Variants in PCSK6 observed in about 807,000 individuals in gnomAD.
PCSK6 encodes the protein paired basic amino acid cleaving enzyme 4.
In PCSK6, 85 loss-of-function variants were observed where a neutral mutation model predicts 123.3. The observed-to-expected ratio is 0.69, with a 90% CI of 0.58 to 0.83. The LOEUF is 0.83. PCSK6 is among the 40% of genes least tolerant of loss of function. The pLI is 0.00. For synonymous variants in PCSK6, 508 were observed against 516.0 expected (o/e 0.98, Z 0.21); for missense variants, 1,191 against 1,282.3 (o/e 0.93, Z 1.09).
At chr15:101,393,618 A>G (rs2277587) in intron 7 of PCSK6, among the ~76,000 whole-genome samples, 194 bp from the exon 8 acceptor site, 130,160 of 152,160 alleles carry the variant, frequency 0.86, 55,875 homozygotes, top group African/African-American at 0.9. Flanking sequence ...CTTTGCCTGT[A>G]GCAGCAGCCT....
At chr15:101,405,983 T>G (rs2042765610) in intron 6 of PCSK6, among the ~76,000 whole-genome samples, 1 of 152,212 alleles carries the variant, frequency 6.6e-6, no homozygotes, top group Non-Finnish European at 1.5e-5. Context: ...CCTCAAGTGA[T>G]CTGCCCACCT....
intron 12 of PCSK6, among the ~76,000 whole-genome samples, chr15:101,369,834 A>C (rs2041522650): frequency 6.6e-6 from 1 of 152,178 alleles, no homozygotes; most frequent in Non-Finnish European, 1.5e-5. Flanking sequence ...CACCTTCCCC[A>C]CATACCACCC....
chr15:101,321,251 T>G (rs943753261), intron 18 of PCSK6, among the ~76,000 whole-genome samples: 3 of 152,220 alleles, frequency 2.0e-5, no homozygotes, highest in Non-Finnish European at 4.4e-5. Flanking sequence ...AGTTCATCCT[T>G]TCACTCCTAA....
chr15:101,470,952 G>A (rs769868312), intron 1 of PCSK6, among the ~76,000 whole-genome samples: 17 of 152,184 alleles, frequency 1.1e-4, no homozygotes, highest in Non-Finnish European at 2.2e-4. Flanking sequence ...GAGCAAGACC[G>A]AGAAGATAAT....
At position 101,370,318 on chromosome 15, in the gene PCSK6, C is replaced by A. The variant is rs374594895; in HGVS notation, c.1721+17G>T. ...TCAGTGAGCCCAGACCCCATCCCCACGCCTGCCTCGCCTTACCTCTTTGCC... is the reference window on the plus strand; with the variant it reads ...TCAGTGAGCCCAGACCCCATCCCCAAGCCTGCCTCGCCTTACCTCTTTGCC... On this transcript the variant is annotated intron_variant, in intron 12 of 21. Coordinates refer to ENST00000611716, the MANE Select transcript of PCSK6 (RefSeq NM_002570.5). 202 of 1,499,932 alleles carry A rather than the reference C, an allele frequency of 1.3e-4. No homozygotes were observed. The African/African-American group carries it at 2.4e-3, about 18-fold the overall frequency. 92.9% of individuals were successfully genotyped at this position (1,499,932 alleles called of 1,614,324 possible). A position where few individuals can be genotyped will look rare whatever the true frequency, so the allele number is the denominator to read the frequency against.
chr15:101,471,772 G>C (rs1054877148), intron 1 of PCSK6, among the ~76,000 whole-genome samples: 1 of 152,122 alleles, frequency 6.6e-6, no homozygotes, highest in East Asian at 1.9e-4. Flanking sequence ...AGAAAGTCTC[G>C]CATGTGCCTT....
At chr15:101,356,221 C>T (rs1189385792) in intron 13 of PCSK6, among the ~76,000 whole-genome samples, 2 of 152,202 alleles carry the variant, frequency 1.3e-5, no homozygotes, top group Non-Finnish European at 2.9e-5. Flanking sequence ...TTGCCAGCTC[C>T]GTTCGTAGCC....
intron 6 of PCSK6, among the ~76,000 whole-genome samples, chr15:101,411,036 T>C (rs140050538): frequency 2.0e-5 from 3 of 152,166 alleles, no homozygotes; most frequent in Non-Finnish European, 2.9e-5. Flanking sequence ...CCCCAGGGCC[T>C]GGATCCCTAG....
chr15:101,377,022 A>G (rs1404882964), intron 11 of PCSK6, among the ~76,000 whole-genome samples: 1 of 152,268 alleles, frequency 6.6e-6, no homozygotes, highest in Non-Finnish European at 1.5e-5. Context: ...GAGACAGCCC[A>G]AAGAAAACGA....
At chr15:101,316,272 G>C (rs927795038) in intron 19 of PCSK6, 5 of 152,258 alleles carry the variant, frequency 3.3e-5, no homozygotes, top group African/African-American at 1.2e-4. Flanking sequence ...CCAGGCCAGA[G>C]GGCATGGGGC....
chr15:101,329,563 G>A (rs1022330755), intron 15 of PCSK6, among the ~76,000 whole-genome samples: 5 of 152,206 alleles, frequency 3.3e-5, no homozygotes, highest in African/African-American at 7.2e-5. Context: ...GAGTAAGCAC[G>A]GATGTGCTGA....
intron 1 of PCSK6, among the ~76,000 whole-genome samples, chr15:101,445,660 C>T (rs537713700): frequency 2.0e-5 from 3 of 152,322 alleles, no homozygotes; most frequent in African/African-American, 4.8e-5. Context: ...CTCAACTTGC[C>T]GCAGTGTTTA....
At chr15:101,441,065 T>C (rs2056741398) in intron 2 of PCSK6, among the ~76,000 whole-genome samples, 1 of 152,214 alleles carries the variant, frequency 6.6e-6, no homozygotes, top group African/African-American at 2.4e-5. Context: ...TTTACCTTTC[T>C]TCCTTTCTTC....
At chr15:101,362,150 G>A (rs1433147372) in intron 13 of PCSK6, among the ~76,000 whole-genome samples, 5 of 152,054 alleles carry the variant, frequency 3.3e-5, no homozygotes, top group Admixed American at 3.3e-4. Flanking sequence ...TAGAGATGGG[G>A]TTTCACCATG....
At chr15:101,324,766 G>A in intron 17 of PCSK6, 84 bp downstream of exon 17, 10 of 1,151,338 alleles carry the variant, frequency 8.7e-6, no homozygotes, top group African/African-American at 1.5e-5. Flanking sequence ...CAGAAGGCTG[G>A]GAAATTCTCC....
intron 20 of PCSK6, chr15:101,313,078 G>A (rs963652056): frequency 2.0e-5 from 26 of 1,324,364 alleles, no homozygotes; most frequent in African/African-American, 8.9e-5. Context: ...TGCTGAGCGC[G>A]ACATGGGCAG....
At chr15:101,390,357 C>T (rs2042194941) in intron 8 of PCSK6, among the ~76,000 whole-genome samples, 1 of 35,110 alleles carries the variant, frequency 2.8e-5, no homozygotes, top group Non-Finnish European at 5.6e-5. Context: ...GATTGTCGCC[C>T]CATCATCTTT....
intron 8 of PCSK6, among the ~76,000 whole-genome samples, chr15:101,390,324 G>T (rs1396654409): frequency 6.6e-6 from 1 of 151,358 alleles, no homozygotes; most frequent in Non-Finnish European, 1.5e-5. Flanking sequence ...TTCAGCCTGT[G>T]TGGGTTCAGG....
intron 1 of PCSK6, among the ~76,000 whole-genome samples, chr15:101,477,528 C>G (rs2141253365): frequency 6.6e-6 from 1 of 152,306 alleles, no homozygotes; most frequent in East Asian, 1.9e-4. Context: ...CACAGAATCA[C>G]AAAACAAAAA....
Sources: allele counts gnomAD v4.1 joint callset (sites outside exome capture counted in the v4.1 genomes callset), GRCh38; gene constraint gnomAD v4.1.1; transcripts MANE v1.5; gene names NCBI Gene and HGNC (gene_info 2026-07-23, HGNC 2026-07-21).